HEATR5A: variants seen among roughly 807,000 people sequenced by gnomAD.
HEATR5A encodes the protein HEAT repeat containing 5A, also known as HEAT repeat-containing protein 5A.
HEATR5A carries 178 observed loss-of-function variants against 218.8 expected under a neutral mutation model. The observed-to-expected ratio is 0.81, with a 90% CI of 0.72 to 0.92. The LOEUF is 0.92. HEATR5A is among the 40% of genes least tolerant of loss of function. The pLI is 0.00. For missense variants in HEATR5A, 2,420 were observed against 2,418.9 expected, an observed-to-expected ratio of 1.00 and a Z score of -0.01; for synonymous variants, 864 against 871.6, an observed-to-expected ratio of 0.99 and a Z score of 0.15.
intron 2 of HEATR5A, among the ~76,000 whole-genome samples, chr14:31,401,834 G>T (rs187121434): frequency 2.6e-5 from 4 of 152,246 alleles, no homozygotes; most frequent in Admixed American, 2.6e-4. Flanking sequence ...TAAGTGTAGG[G>T]CAATTTTCTT....
At chr14:31,408,880 AG>A (rs1181908896) in intron 1 of HEATR5A, among the ~76,000 whole-genome samples, 1 of 138,066 alleles carries the variant, frequency 7.2e-6, no homozygotes, top group African/African-American at 2.7e-5. Flanking sequence ...TCACGAGGTC[AG>A]GAGATCGAGA....
chr14:31,315,436 A>G (rs1899883116), intron 27 of HEATR5A, among the ~76,000 whole-genome samples: 1 of 152,218 alleles, frequency 6.6e-6, no homozygotes, highest in Admixed American at 6.5e-5. Flanking sequence ...AGCATTAGAA[A>G]GCATTACATG....
chr14:31,364,403 T>G lies in HEATR5A; in HGVS notation c.1962-105A>C, dbSNP rs543269307. On this transcript the variant is annotated intron_variant, in intron 13 of 35. Transcript: ENST00000543095. ...CATATAAATTAGCTATGTATTTTAT[T>G]AACAAACATTAGTGCTGCTTTACTT... 3.4e-5 allele frequency: 20 copies of G among 589,208 alleles called. No individual in the cohort carries two copies. In the South Asian group the frequency reaches 5.1e-4, roughly 15 times the overall value. 36.5% of individuals were successfully genotyped at this position (589,208 alleles called of 1,614,324 possible).
chr14:31,319,801 G>A (rs534556250), intron 25 of HEATR5A, among the ~76,000 whole-genome samples: 147 of 152,260 alleles, frequency 9.7e-4, no homozygotes, highest in Middle Eastern at 3.4e-3. Flanking sequence ...GTCCCAGCAC[G>A]TTGGAGGTGG....
Position 31,388,869 on chromosome 14 carries a change from C to T in HEATR5A, c.909G>A (p.Arg303=). Reference sequence around the variant, plus strand: ...CCTGAGTAACTCCAACTCGAACATCCCTACTGACTGAACTGGTTCCTTTCA... The same window carrying T: ...CCTGAGTAACTCCAACTCGAACATCTCTACTGACTGAACTGGTTCCTTTCA... ...DMLKGTSSVS[R]DVRVGVTQAY... is the part of the protein sequence containing the mutation. The change falls in exon 7 of 36, where the codon AGG becomes AGA. Residue 303 remains arginine (R), a synonymous_variant. Transcript: ENST00000543095. 1 of 1,613,874 alleles carries T rather than the reference C, an allele frequency of 6.2e-7. No individual in the cohort carries two copies. The highest frequency in any genetic ancestry group is 8.5e-7 in the Non-Finnish European group (1 of 1,179,828).
chr14:31,397,020 G>C (rs2030679882), intron 4 of HEATR5A, among the ~76,000 whole-genome samples: 1 of 151,840 alleles, frequency 6.6e-6, no homozygotes, highest in African/African-American at 2.4e-5. Flanking sequence ...CAGACTTACA[G>C]GTATTAAAAA....
At chr14:31,328,914 T>C (rs1900365893) in intron 22 of HEATR5A, among the ~76,000 whole-genome samples, 2 of 150,944 alleles carry the variant, frequency 1.3e-5, no homozygotes, top group Non-Finnish European at 1.5e-5. Context: ...AGAGGTTTCA[T>C]TGACTCACAG....
intron 13 of HEATR5A, among the ~76,000 whole-genome samples, chr14:31,369,315 C>G (rs921780404): frequency 4.0e-5 from 6 of 150,740 alleles, no homozygotes; most frequent in Admixed American, 3.3e-4. Context: ...GACCCTGTCT[C>G]ACAAACAAGA....
rs553822317 is a variant in HEATR5A at position 31,320,631 on chromosome 14, G to C, written c.3969+868C>G. 1.0e-3 allele frequency: 675 copies of C among 672,802 alleles called. 12 individuals are homozygous for C. Among genetic ancestry groups the C allele is most frequent in the South Asian group, 9.6e-3 (652 of 68,166 alleles). The allele number at this position is 672,802 out of a possible 1,614,324, so 41.7% of individuals were successfully genotyped here. A position where few individuals can be genotyped will look rare whatever the true frequency, so the allele number is the denominator to read the frequency against. ...GAAATGAGTAATACCCCGGTGGTCT[G>C]CATTTTTTCAGTCTCCCAGCTTTAG... On this transcript the variant is annotated intron_variant, in intron 25 of 35. Transcript: ENST00000543095.
At chr14:31,347,674 A>G in intron 19 of HEATR5A, 74 bp downstream of exon 19, 1 of 1,058,678 alleles carries the variant, frequency 9.4e-7, no homozygotes, top group South Asian at 3.7e-5. Context: ...TAAATTATTA[A>G]TGTTCAATAT....
Position 31,305,105 on chromosome 14 carries a change from G to C in HEATR5A, c.5039C>G (p.Pro1680Arg). Residue 1680 changes from proline to arginine, a missense_variant, in exon 32 of 36, where the codon CCT (proline) becomes CGT (arginine). By Grantham distance (103) the Pro-to-Arg change is moderately radical (BLOSUM62 -2). Transcript: ENST00000543095. The part of the protein sequence containing the change: ...GEGKDTGGLV[P>R]GKSLVFATLE... ...TGTTGCAAAGACCAAAGACTTTCCA[G>C]GCACAAGTCCTCCGGTGTCCTTTCC... The C allele has an allele frequency of 2.5e-6, 4 of 1,613,960 alleles. No homozygotes were observed. The highest frequency in any genetic ancestry group is 3.4e-6 in the Non-Finnish European group (4 of 1,179,866).
At position 31,398,773 on chromosome 14, in the gene HEATR5A, A is replaced by T; in HGVS notation, c.347T>A (p.Val116Glu). ...PSYLPTKLAA[V>E]VCLGSLYKKL... ...CTTGTACAAGGAACCCAAACATACC[A>T]CAGCAGCACTGAAACAACATTTAAA... The change falls in exon 4 of 36, where the codon GTG becomes GAG. Residue 116 changes from valine to glutamate, a missense_variant. By Grantham distance (121) the Val-to-Glu change is moderately radical. Coordinates refer to ENST00000543095, the MANE Select transcript of HEATR5A (RefSeq NM_015473.4). 6.6e-7 allele frequency: 1 copy of T among 1,513,778 alleles called. No individual in the cohort carries two copies. The allele number at this position is 1,513,778 out of a possible 1,614,324, so 93.8% of individuals were successfully genotyped here. A position where few individuals can be genotyped will look rare whatever the true frequency, so the allele number is the denominator to read the frequency against.
intron 10 of HEATR5A, among the ~76,000 whole-genome samples, chr14:31,383,280 A>C (rs1304666301): frequency 6.6e-6 from 1 of 152,222 alleles, no homozygotes; most frequent in African/African-American, 2.4e-5. Context: ...AAGATATGTA[A>C]ACTATTTTTA....
intron 1 of HEATR5A, among the ~76,000 whole-genome samples, chr14:31,405,795 G>C (rs1356632024): frequency 1.3e-5 from 2 of 152,142 alleles, no homozygotes; most frequent in Non-Finnish European, 2.9e-5. Flanking sequence ...CTGCTGAAGA[G>C]ACATTTTTTT....
At chr14:31,309,219 C>T (rs1255832984) in intron 28 of HEATR5A, 37 bp from the exon 29 acceptor site, 2 of 1,595,418 alleles carry the variant, frequency 1.3e-6, no homozygotes, top group South Asian at 1.1e-5. Flanking sequence ...AAGAGATTAA[C>T]TTCCAATATA....
At chr14:31,299,003 T>C (rs1423967235) in intron 33 of HEATR5A, among the ~76,000 whole-genome samples, 1 of 152,138 alleles carries the variant, frequency 6.6e-6, no homozygotes, top group Non-Finnish European at 1.5e-5. Flanking sequence ...CCCTCTTTAT[T>C]AAAAACTGGC....
intron 12 of HEATR5A, among the ~76,000 whole-genome samples, chr14:31,374,155 A>C (rs7142058): frequency 0.023 from 3,463 of 152,020 alleles, 124 homozygotes; most frequent in African/African-American, 0.079. Context: ...AAAATTTAAA[A>C]ATTAGCTGGG....
rs756427258 is a variant in HEATR5A at position 31,343,893 on chromosome 14, C to T, written c.3228+3G>A. The T allele has an allele frequency of 8.2e-6, 13 of 1,579,914 alleles. No homozygotes were observed. The African/African-American group carries it at 1.4e-4, about 17-fold the overall frequency. ...AAGAGCTCGTTTACAATTCTATACT[C>T]ACACAGAGGCAGCTAACCAGGCTAG... On this transcript the variant is annotated splice_donor_region_variant and intron_variant, in intron 21 of 35. Coordinates refer to ENST00000543095, the MANE Select transcript of HEATR5A (RefSeq NM_015473.4).
In HEATR5A at chr14:31,398,954, A is replaced by AT. The variant is rs199559939; in HGVS notation, c.339-174dup. Reference sequence around the variant, plus strand: ...ATTTAATTGTGATGAAGTCTCATCTATTTTTTGTCAGTTGTGCTTTTTGGT... The same window carrying AT: ...ATTTAATTGTGATGAAGTCTCATCTATTTTTTTGTCAGTTGTGCTTTTTGGT... On this transcript the variant is annotated intron_variant, in intron 3 of 35. Transcript: ENST00000543095. 9.8e-3 allele frequency among the ~76,000 whole-genome samples: 1,486 copies of AT among 152,284 alleles called. 24 individuals are homozygous for AT. The highest frequency in any genetic ancestry group is 0.034 in the African/African-American group (1,406 of 41,542).
Sources: gnomAD v4.1 joint callset for allele counts (sites outside exome capture counted in the v4.1 genomes callset) on GRCh38, gnomAD v4.1.1 for gene constraint, MANE v1.5 for transcripts, NCBI Gene and HGNC (gene_info 2026-07-23, HGNC 2026-07-21) for gene names.